GFAP: variants seen among roughly 807,000 people sequenced by gnomAD.
GFAP encodes intermediate filament protein.
A neutral mutation model predicts 49.3 loss-of-function variants in GFAP; 38 were observed. The observed-to-expected ratio is 0.77, with a 90% CI of 0.60 to 1.01. GFAP has a LOEUF of 1.01. Ranked by LOEUF, GFAP falls within the 50% of genes least tolerant of loss-of-function variation. The pLI is 0.00. For missense variants in GFAP, 463 were observed against 579.1 expected (o/e 0.80, Z 2.06); for synonymous variants, 222 against 236.4 (o/e 0.94, Z 0.56).
In GFAP at chr17:44,904,142, A is replaced by G; in HGVS notation, c.*3205T>C. 6.4e-7 allele frequency: 1 copy of G among 1,550,430 alleles called. No homozygotes were observed. The highest frequency in any genetic ancestry group is 8.7e-7 in the Non-Finnish European group (1 of 1,146,804). On this transcript the variant is annotated 3_prime_UTR_variant, in exon 9 of 9. Coordinates refer to ENST00000588735, the MANE Select transcript of GFAP (RefSeq NM_002055.5). ...CAGCGACATGCTGACCCGCTTCAGC[A>G]TCCGCATGTTCAGCTTGTTGGTTTT...
At position 44,904,679 on chromosome 17, in the gene GFAP, G is replaced by A. The variant is rs1415842069; in HGVS notation, c.*2668C>T. Reference sequence around the variant, plus strand: ...GTTCCACCAGCAGAGACTGGGCCATGGACTCATCATCTCCTGTCCTGGGGC... The same window carrying A: ...GTTCCACCAGCAGAGACTGGGCCATAGACTCATCATCTCCTGTCCTGGGGC... On this transcript the variant is annotated 3_prime_UTR_variant, in exon 9 of 9. Coordinates refer to ENST00000588735, the MANE Select transcript of GFAP (RefSeq NM_002055.5). 1.3e-6 allele frequency: 2 copies of A among 1,550,458 alleles called. No homozygotes were observed. Among genetic ancestry groups the A allele is most frequent in the East Asian group, 2.4e-5 (1 of 40,932 alleles).
Position 44,911,475 on chromosome 17 carries a change from C to A in GFAP, c.907-19G>T, listed in dbSNP as rs1465889616. On this transcript the variant is annotated intron_variant, in intron 5 of 8. Coordinates refer to ENST00000588735, the MANE Select transcript of GFAP (RefSeq NM_002055.5). The stretch of plus-strand genomic sequence containing the variant: ...ACTCGTTCTGTGGGATGGAGCCGGC[C>A]GGTCCCGCGGAGCCCCGACCCGACT... 1.4e-5 allele frequency: 22 copies of A among 1,586,574 alleles called. No individual in the cohort carries two copies. Among genetic ancestry groups the A allele is most frequent in the Non-Finnish European group, 1.9e-5 (22 of 1,167,292 alleles).
rs1441407453 is a variant in GFAP at position 44,906,237 on chromosome 17, C to T, written c.*1110G>A. The T allele has an allele frequency of 1.3e-5, 2 of 152,270 alleles. No individual in the cohort carries two copies. The highest frequency in any genetic ancestry group is 2.9e-5 in the Non-Finnish European group (2 of 68,120). 9.4% of individuals were successfully genotyped at this position (152,270 alleles called of 1,614,324 possible). A position where few individuals can be genotyped will look rare whatever the true frequency, so the allele number is the denominator to read the frequency against. On this transcript the variant is annotated 3_prime_UTR_variant, in exon 9 of 9. Coordinates refer to ENST00000588735, the MANE Select transcript of GFAP (RefSeq NM_002055.5). ...ATGCCCTGCCCCCATGGATACATCC[C>T]CTTTCTCTCCTGTTTCAGCATCTTC...
chr17:44,911,597 G>T (rs1043104173), intron 5 of GFAP, 75 bp downstream of exon 5: 2 of 1,592,758 alleles, frequency 1.3e-6, no homozygotes, highest in Admixed American at 1.7e-5. Context: ...CTCGTCCCTG[G>T]CCCTTCTCCC....
intron 7 of GFAP, chr17:44,909,377 C>A (rs2051707857): frequency 6.6e-6 from 1 of 152,206 alleles, no homozygotes; most frequent in African/African-American, 2.4e-5. Flanking sequence ...CCTTTCCTGT[C>A]CCCTTTCCTC....
rs780559028 is a variant in GFAP at position 44,904,198 on chromosome 17, C to T, written c.*3149G>A. ...CTCAGTCTGAGGACTCAGGCCTGTACTTCTGCGGCACCCGCAAGGGGGACT... is the reference window on the plus strand; with the variant it reads ...CTCAGTCTGAGGACTCAGGCCTGTATTTCTGCGGCACCCGCAAGGGGGACT... On this transcript the variant is annotated 3_prime_UTR_variant, in exon 9 of 9. Transcript: ENST00000588735. 6.1e-5 allele frequency: 95 copies of T among 1,550,470 alleles called. No homozygotes were observed. Among genetic ancestry groups the T allele is most frequent in the Non-Finnish European group, 7.6e-5 (87 of 1,146,992 alleles).
In GFAP at chr17:44,911,685, G is replaced by C; in HGVS notation, c.893C>G (p.Ser298Cys). Reference sequence around the variant, plus strand: ...GGCCGCGCTCACCGTGCCGCGCAGAGACTCCAGGTCGCAGGTCAAGGACTG... The same window carrying C: ...GGCCGCGCTCACCGTGCCGCGCAGACACTCCAGGTCGCAGGTCAAGGACTG... ...QLQSLTCDLE[S>C]LRGTNESLER... is the part of the protein sequence containing the mutation. The change falls in exon 5 of 9, where the codon TCT becomes TGT. Residue 298 changes from serine to cysteine, a missense_variant. Coordinates refer to ENST00000588735, the MANE Select transcript of GFAP (RefSeq NM_002055.5). 6.2e-7 allele frequency: 1 copy of C among 1,613,390 alleles called. No homozygotes were observed.
At position 44,907,275 on chromosome 17, in the gene GFAP, G is replaced by C; in HGVS notation, c.*72C>G. 1 of 1,414,546 alleles carries C rather than the reference G, an allele frequency of 7.1e-7. No homozygotes were observed. The highest frequency in any genetic ancestry group is 1.0e-6 in the Non-Finnish European group (1 of 998,600). The allele number at this position is 1,414,546 out of a possible 1,614,324, so 87.6% of individuals were successfully genotyped here. On this transcript the variant is annotated 3_prime_UTR_variant, in exon 9 of 9. Coordinates refer to ENST00000588735, the MANE Select transcript of GFAP (RefSeq NM_002055.5). ...AGGTCTGGGGAAATGTGCCAGCAGA[G>C]GCGGAGCAACTATCCTGCTTCTGCT...
Position 44,904,640 on chromosome 17 carries a change from C to G in GFAP, c.*2707G>C. The G allele has an allele frequency of 6.4e-7, 1 of 1,550,564 alleles. No homozygotes were observed. The highest frequency in any genetic ancestry group is 8.7e-7 in the Non-Finnish European group (1 of 1,146,994). ...AGTGGGCAGCCGGCCCTGGGTGCCC[C>G]AGGTGCCCATTCAGTTCCACCAGCA... On this transcript the variant is annotated 3_prime_UTR_variant, in exon 9 of 9. Transcript: ENST00000588735.
At chr17:44,910,770 G>A (rs1567773197) in intron 6 of GFAP, 112 bp from the exon 7 acceptor site, 2 of 1,470,276 alleles carry the variant, frequency 1.4e-6, no homozygotes, top group Non-Finnish European at 1.8e-6. Context: ...TGCCAGGAAA[G>A]TCTAACTCCA....
chr17:44,915,062 T>A lies in GFAP; in HGVS notation c.425A>T (p.Asp142Val). Reference sequence around the variant, plus strand: ...AGTGGCCAGGTCCTGTGCCAGATTGTCCCTCTCAACCTCCAGCCGGGCGCT... The same window carrying A: ...AGTGGCCAGGTCCTGTGCCAGATTGACCCTCTCAACCTCCAGCCGGGCGCT... Reference protein sequence around the residue: ...ANSARLEVERDNLAQDLATVR... With the variant: ...ANSARLEVERVNLAQDLATVR... Residue 142 changes from aspartate (D) to valine (V), a missense_variant, in exon 1 of 9, where the codon GAC (aspartate) becomes GTC (valine). By Grantham distance (152) the Asp-to-Val change is radical. Coordinates refer to ENST00000588735, the MANE Select transcript of GFAP (RefSeq NM_002055.5). The surrounding 1 kb of genome is among the most constrained non-coding windows in gnomAD (Gnocchi z 4.1). The A allele has an allele frequency of 6.2e-7, 1 of 1,612,882 alleles. No homozygotes were observed. The highest frequency in any genetic ancestry group is 8.5e-7 in the Non-Finnish European group (1 of 1,179,994).
chr17:44,908,107 T>C lies in GFAP; in HGVS notation c.1214A>G (p.Lys405Arg). 1.9e-6 allele frequency: 3 copies of C among 1,609,780 alleles called. No individual in the cohort carries two copies. Among genetic ancestry groups the C allele is most frequent in the East Asian group, 2.2e-5 (1 of 44,744 alleles). Residue 405 changes from lysine (K) to arginine (R), a missense_variant, in exon 8 of 9, where the codon AAG becomes AGG. Physicochemically the swap from Lys to Arg is conservative, Grantham distance 26. This residue lies in a region of GFAP where 362 missense variants were observed against 445.5 expected (regional missense o/e 0.81). Transcript: ENST00000588735. ...DTKSVSEGHL[K>R]RNIVVKTVEM... ...CACGGTCTTCACCACGATGTTCCTC[T>C]TGAGGTGGCCTTCTGACACAGACTT...
intron 7 of GFAP, chr17:44,910,412 C>T: frequency 5.0e-6 from 8 of 1,597,280 alleles, no homozygotes; most frequent in Non-Finnish European, 6.8e-6. Flanking sequence ...CAGGGCCTAG[C>T]AGGACAGGGG....
At position 44,904,155 on chromosome 17, in the gene GFAP, G is replaced by A; in HGVS notation, c.*3192C>T. ...ACCCGCTTCAGCATCCGCATGTTCA[G>A]CTTGTTGGTTTTCAGGGCTCAGTCT... On this transcript the variant is annotated 3_prime_UTR_variant, in exon 9 of 9. Coordinates refer to ENST00000588735, the MANE Select transcript of GFAP (RefSeq NM_002055.5). The A allele has an allele frequency of 6.4e-7, 1 of 1,550,404 alleles. No homozygotes were observed.
Position 44,907,280 on chromosome 17 carries a change from A to G in GFAP, c.*67T>C. On this transcript the variant is annotated 3_prime_UTR_variant, in exon 9 of 9. Transcript: ENST00000588735. ...TGGGGAAATGTGCCAGCAGAGGCGG[A>G]GCAACTATCCTGCTTCTGCTCGGGC... The G allele has an allele frequency of 6.8e-7, 1 of 1,474,294 alleles. No individual in the cohort carries two copies. Among genetic ancestry groups the G allele is most frequent in the Non-Finnish European group, 9.5e-7 (1 of 1,053,008 alleles). The allele number at this position is 1,474,294 out of a possible 1,614,324, so 91.3% of individuals were successfully genotyped here. A position where few individuals can be genotyped will look rare whatever the true frequency, so the allele number is the denominator to read the frequency against.
chr17:44,910,465 C>G, intron 7 of GFAP, 150 bp downstream of exon 7: 1 of 1,559,546 alleles, frequency 6.4e-7, no homozygotes, highest in East Asian at 2.4e-5. Context: ...ATGATAGGCT[C>G]TGGCTAGGAG....
chr17:44,903,701 G>A lies in GFAP; in HGVS notation c.*3646C>T, dbSNP rs1383849850. ...TTGGCGGCTTCCTCTGCAGATTGTT[G>A]CTGCTTTTCCTGGCTGCATAATCCT... is the stretch of plus-strand genomic sequence containing the variant. On this transcript the variant is annotated 3_prime_UTR_variant, in exon 9 of 9. Coordinates refer to ENST00000588735, the MANE Select transcript of GFAP (RefSeq NM_002055.5). 1.4e-6 allele frequency: 2 copies of A among 1,439,392 alleles called. No homozygotes were observed. Among genetic ancestry groups the A allele is most frequent in the East Asian group, 2.5e-5 (1 of 40,106 alleles). 89.2% of individuals were successfully genotyped at this position (1,439,392 alleles called of 1,614,324 possible).
At position 44,914,089 on chromosome 17, in the gene GFAP, C is replaced by G; in HGVS notation, c.462-1G>C. The G allele has an allele frequency of 6.4e-7, 1 of 1,552,266 alleles. No homozygotes were observed. The highest frequency in any genetic ancestry group is 2.4e-5 in the East Asian group (1 of 41,256). ...CCTCAGGTTGGTTTCATCCTGGAGCCTGGAGTGGGGGGACACATTCCTGGG... is the reference window on the plus strand; with the variant it reads ...CCTCAGGTTGGTTTCATCCTGGAGCGTGGAGTGGGGGGACACATTCCTGGG... On this transcript the variant is annotated splice_acceptor_variant, in intron 1 of 8. Coordinates refer to ENST00000588735, the MANE Select transcript of GFAP (RefSeq NM_002055.5). LOFTEE classifies it high-confidence loss of function.
At chr17:44,910,547 C>A in intron 7 of GFAP, 68 bp downstream of exon 7, 1 of 1,554,300 alleles carries the variant, frequency 6.4e-7, no homozygotes, top group Non-Finnish European at 8.7e-7. Flanking sequence ...CAGTCTGGAG[C>A]AACCTACAGG....
Sources: gnomAD v4.1 joint callset for allele counts on GRCh38, gnomAD v4.1.1 for gene constraint, gnomAD v4.1.1 regional missense constraint, Gnocchi (gnomAD v3.1) non-coding constraint, MANE v1.5 for transcripts, NCBI Gene and HGNC (gene_info 2026-07-23, HGNC 2026-07-21) for gene names.